EFNB3: variants seen among roughly 807,000 people sequenced by gnomAD.
EFNB3 encodes the protein ephrin-B3.
EFNB3 carries 14 observed loss-of-function variants against 29.8 expected under a neutral mutation model. The ratio of observed to expected loss-of-function variants is 0.47; its 90% CI spans 0.31 to 0.73. The LOEUF (loss-of-function observed/expected upper bound fraction) is 0.73, where lower values mean the gene tolerates loss of function less well. Ranked by LOEUF, EFNB3 falls within the 30% of genes least tolerant of loss-of-function variation. The pLI, the probability that EFNB3 is intolerant of heterozygous loss-of-function variation, is 0.05. For synonymous variants in EFNB3, 216 were observed against 191.6 expected (o/e 1.13, Z -1.05); for missense variants, 408 against 458.0 (o/e 0.89, Z 1.00).
chr17:7,705,507 G>C lies in EFNB3; in HGVS notation c.-92G>C. The C allele has an allele frequency of 1.6e-6, 1 of 625,598 alleles. No individual in the cohort carries two copies. The allele number at this position is 625,598 out of a possible 1,614,324, so 38.8% of individuals were successfully genotyped here. A position where few individuals can be genotyped will look rare whatever the true frequency, so the allele number is the denominator to read the frequency against. On this transcript the variant is annotated 5_prime_UTR_variant, in exon 1 of 5. Coordinates refer to ENST00000226091, the MANE Select transcript of EFNB3 (RefSeq NM_001406.4). The surrounding 1 kb of genome is among the most constrained non-coding windows in gnomAD (Gnocchi z 5.4). ...GGGGCATCAGCTACCGGGGTGGTCC[G>C]GGCTGAAGAGCCAGGCAGCCAAGGC...
chr17:7,705,813 G>A lies in EFNB3; in HGVS notation c.122+93G>A. The A allele has an allele frequency of 1.4e-6, 2 of 1,446,394 alleles. No individual in the cohort carries two copies. The highest frequency in any genetic ancestry group is 1.4e-5 in the South Asian group (1 of 73,228). The allele number at this position is 1,446,394 out of a possible 1,614,324, so 89.6% of individuals were successfully genotyped here. A position where few individuals can be genotyped will look rare whatever the true frequency, so the allele number is the denominator to read the frequency against. The stretch of plus-strand genomic sequence containing the variant: ...GAGGCGGGCTTCTGTGGGCAGGGAG[G>A]AGGCGGGAGGGAAGGTGCTGGTGCT... On this transcript the variant is annotated intron_variant, in intron 1 of 4. Transcript: ENST00000226091. This position sits in a 1 kb window ranked among gnomAD's most constrained non-coding sequence, Gnocchi z 5.4.
In EFNB3 at chr17:7,708,582, A is replaced by T. The variant is rs1280267792; in HGVS notation, c.509-53A>T. On this transcript the variant is annotated intron_variant, in intron 3 of 4. Coordinates refer to ENST00000226091, the MANE Select transcript of EFNB3 (RefSeq NM_001406.4). This position sits in a 1 kb window ranked among gnomAD's most constrained non-coding sequence, Gnocchi z 6.8. ...CACGAAGGGACGTTGGGGCAGTACGATCATGGTTGGGGCAGTTGTCTCAGC... is the reference window on the plus strand; with the variant it reads ...CACGAAGGGACGTTGGGGCAGTACGTTCATGGTTGGGGCAGTTGTCTCAGC... 1 of 1,595,734 alleles carries T rather than the reference A, an allele frequency of 6.3e-7. No homozygotes were observed. Among genetic ancestry groups the T allele is most frequent in the African/African-American group, 1.3e-5 (1 of 74,642 alleles).
Position 7,709,559 on chromosome 17 carries a change from A to T in EFNB3, c.1006A>T (p.Ile336Phe). ...TGGGCCCCCCCAGAGCCCTCCAAACATCTACTACAAGGTATGAGGGCTCCT... is the reference window on the plus strand; with the variant it reads ...TGGGCCCCCCCAGAGCCCTCCAAACTTCTACTACAAGGTATGAGGGCTCCT... ...QDGPPQSPPN[I>F]YYKV The change falls in exon 5 of 5, where the codon ATC becomes TTC. Residue 336 changes from isoleucine (I) to phenylalanine (F), a missense_variant. Physicochemically the swap from Ile to Phe is conservative, Grantham distance 21. Transcript: ENST00000226091. This position sits in a 1 kb window ranked among gnomAD's most constrained non-coding sequence, Gnocchi z 4.5. The T allele has an allele frequency of 6.2e-7, 1 of 1,613,828 alleles. No homozygotes were observed. The highest frequency in any genetic ancestry group is 8.5e-7 in the Non-Finnish European group (1 of 1,179,912).
In EFNB3 at chr17:7,709,201, T is replaced by C; in HGVS notation, c.648T>C (p.Ala216=). 1 of 1,604,018 alleles carries C rather than the reference T, an allele frequency of 6.2e-7. No homozygotes were observed. The change falls in exon 5 of 5, where the codon GCT becomes GCC. Residue 216 remains alanine, a synonymous_variant. Coordinates refer to ENST00000226091, the MANE Select transcript of EFNB3 (RefSeq NM_001406.4). This position sits in a 1 kb window ranked among gnomAD's most constrained non-coding sequence, Gnocchi z 4.5. The stretch of plus-strand genomic sequence containing the variant: ...CCAGCAATGCAACCTCCCGGGGTGC[T>C]GAAGGCCCCCTGCCCCCTCCCAGCA... The part of the protein sequence containing the change: ...DPTSNATSRG[A]EGPLPPPSMP...
At position 7,705,558 on chromosome 17, in the gene EFNB3, TG is replaced by T; in HGVS notation, c.-36del. On this transcript the variant is annotated 5_prime_UTR_variant, in exon 1 of 5. Transcript: ENST00000226091. The surrounding 1 kb of genome is among the most constrained non-coding windows in gnomAD (Gnocchi z 5.4). ...AGCCACCCCGGGGGGTGGGCGACTTTGGGGGAGTTGGTGCCCCGCCCCCCAG... is the reference window on the plus strand; with the variant it reads ...AGCCACCCCGGGGGGTGGGCGACTTTGGGGAGTTGGTGCCCCGCCCCCCAG... The T allele has an allele frequency of 1.6e-6, 2 of 1,230,490 alleles. No homozygotes were observed. Among genetic ancestry groups the T allele is most frequent in the East Asian group, 3.0e-5 (1 of 33,750 alleles). The allele number at this position is 1,230,490 out of a possible 1,614,324, so 76.2% of individuals were successfully genotyped here.
chr17:7,709,629 C>T lies in EFNB3; in HGVS notation c.*53C>T. 2 of 1,608,874 alleles carry T rather than the reference C, an allele frequency of 1.2e-6. No individual in the cohort carries two copies. Among genetic ancestry groups the T allele is most frequent in the Non-Finnish European group, 1.7e-6 (2 of 1,177,332 alleles). The stretch of plus-strand genomic sequence containing the variant: ...TCCAGCCCTTCTTGGGGTGCTCCTC[C>T]AGTTTAATTCCTGGTTTGAGGGACA... On this transcript the variant is annotated 3_prime_UTR_variant, in exon 5 of 5. Coordinates refer to ENST00000226091, the MANE Select transcript of EFNB3 (RefSeq NM_001406.4). The surrounding 1 kb of genome is among the most constrained non-coding windows in gnomAD (Gnocchi z 4.5).
rs1021897593 is a variant in EFNB3, at chr17:7,707,814, A to G, written c.123-144A>G. The stretch of plus-strand genomic sequence containing the variant: ...CAGAGTCCTTGGTGCCTGCTCTATA[A>G]GAAGAGACTTTCCACTCAGACAAAG... On this transcript the variant is annotated intron_variant, in intron 1 of 4. Transcript: ENST00000226091. 5.4e-5 allele frequency: 50 copies of G among 933,142 alleles called. No homozygotes were observed. In the Middle Eastern group the frequency reaches 1.0e-3, roughly 19 times the overall value. The allele number at this position is 933,142 out of a possible 1,614,324, so 57.8% of individuals were successfully genotyped here.
chr17:7,707,988 C>T lies in EFNB3; in HGVS notation c.153C>T (p.Tyr51=), dbSNP rs1398386640. The part of the protein sequence containing the change: ...RFQAEGGYVL[Y]PQIGDRLDLL... ...AGGCAGAGGGTGGTTATGTGCTGTA[C>T]CCTCAGATCGGGGACCGGCTAGACC... Residue 51 remains tyrosine, a synonymous_variant, in exon 2 of 5, where the codon TAC becomes TAT. Coordinates refer to ENST00000226091, the MANE Select transcript of EFNB3 (RefSeq NM_001406.4). 5 of 1,613,740 alleles carry T rather than the reference C, an allele frequency of 3.1e-6. No homozygotes were observed. The highest frequency in any genetic ancestry group is 4.2e-6 in the Non-Finnish European group (5 of 1,179,920).
At position 7,711,134 on chromosome 17, in the gene EFNB3, G is replaced by C. The variant is rs1364239240; in HGVS notation, c.*1558G>C. 6.6e-6 allele frequency: 1 copy of C among 152,614 alleles called. No homozygotes were observed. The highest frequency in any genetic ancestry group is 1.5e-5 in the Non-Finnish European group (1 of 68,040). 9.5% of individuals were successfully genotyped at this position (152,614 alleles called of 1,614,324 possible). A position where few individuals can be genotyped will look rare whatever the true frequency, so the allele number is the denominator to read the frequency against. On this transcript the variant is annotated 3_prime_UTR_variant, in exon 5 of 5. Transcript: ENST00000226091. The stretch of plus-strand genomic sequence containing the variant: ...AGATCAAAGCTGTTGTTGGGCACCA[G>C]GTTGGCCACCTCAATCACCAGCCAA...
Position 7,708,484 on chromosome 17 carries a change from G to A in EFNB3, c.465G>A (p.Val155=). Residue 155 remains valine (V), a synonymous_variant, in exon 3 of 5, where the codon GTG becomes GTA. Coordinates refer to ENST00000226091, the MANE Select transcript of EFNB3 (RefSeq NM_001406.4). The surrounding 1 kb of genome is among the most constrained non-coding windows in gnomAD (Gnocchi z 6.8). ...GCCTGGAGAGCCTGCAGGGAGGTGT[G>A]TGCCTAACCAGAGGCATGAAGGTGC... ...REGLESLQGG[V]CLTRGMKVLL... 6.2e-7 allele frequency: 1 copy of A among 1,614,006 alleles called. No individual in the cohort carries two copies.
chr17:7,708,580 C>A lies in EFNB3; in HGVS notation c.508+53C>A. On this transcript the variant is annotated intron_variant, in intron 3 of 4. Coordinates refer to ENST00000226091, the MANE Select transcript of EFNB3 (RefSeq NM_001406.4). This position sits in a 1 kb window ranked among gnomAD's most constrained non-coding sequence, Gnocchi z 6.8. ...GGCACGAAGGGACGTTGGGGCAGTA[C>A]GATCATGGTTGGGGCAGTTGTCTCA... 6.3e-7 allele frequency: 1 copy of A among 1,596,296 alleles called. No individual in the cohort carries two copies. The highest frequency in any genetic ancestry group is 1.1e-5 in the South Asian group (1 of 88,544).
At position 7,709,689 on chromosome 17, in the gene EFNB3, C is replaced by T; in HGVS notation, c.*113C>T. On this transcript the variant is annotated 3_prime_UTR_variant, in exon 5 of 5. Coordinates refer to ENST00000226091, the MANE Select transcript of EFNB3 (RefSeq NM_001406.4). This position sits in a 1 kb window ranked among gnomAD's most constrained non-coding sequence, Gnocchi z 4.5. ...TCTCGGCCCCCTGTGCCCCCCCAGC[C>T]CCTTCACTCCTCCCGGCTGCTGTCC... 8.5e-6 allele frequency: 9 copies of T among 1,058,312 alleles called. No individual in the cohort carries two copies. In the South Asian group the frequency reaches 1.2e-4, roughly 14 times the overall value. 65.6% of individuals were successfully genotyped at this position (1,058,312 alleles called of 1,614,324 possible).
rs367764633 is a variant in EFNB3 at position 7,709,469 on chromosome 17, C to T, written c.916C>T (p.Pro306Ser). Reference protein sequence around the residue: ...ALRGGGAADPPFCPHYEKVSG... With the variant: ...ALRGGGAADPSFCPHYEKVSG... ...GCGGGGTGGCGGGGCTGCAGATCCC[C>T]CCTTCTGCCCCCACTATGAGAAGGT... The change falls in exon 5 of 5, where the codon CCC becomes TCC. Residue 306 changes from proline (P) to serine (S), a missense_variant. By Grantham distance (74) the Pro-to-Ser change is moderately conservative (BLOSUM62 -1). Around this residue, in one of 3 missense-constraint regions of EFNB3, gnomAD observed 233 missense variants for 230.7 expected, o/e 1.01. Coordinates refer to ENST00000226091, the MANE Select transcript of EFNB3 (RefSeq NM_001406.4). The surrounding 1 kb of genome is among the most constrained non-coding windows in gnomAD (Gnocchi z 4.5). 2 of 1,613,648 alleles carry T rather than the reference C, an allele frequency of 1.2e-6. No homozygotes were observed. The highest frequency in any genetic ancestry group is 2.7e-5 in the African/African-American group (2 of 74,956).
Position 7,709,680 on chromosome 17 carries a change from C to A in EFNB3, c.*104C>A. On this transcript the variant is annotated 3_prime_UTR_variant, in exon 5 of 5. Coordinates refer to ENST00000226091, the MANE Select transcript of EFNB3 (RefSeq NM_001406.4). The surrounding 1 kb of genome is among the most constrained non-coding windows in gnomAD (Gnocchi z 4.5). Reference sequence around the variant, plus strand: ...CCTCTAACATCTCGGCCCCCTGTGCCCCCCCAGCCCCTTCACTCCTCCCGG... The same window carrying A: ...CCTCTAACATCTCGGCCCCCTGTGCACCCCCAGCCCCTTCACTCCTCCCGG... 1.7e-6 allele frequency: 2 copies of A among 1,198,094 alleles called. No individual in the cohort carries two copies. Among genetic ancestry groups the A allele is most frequent in the African/African-American group, 1.5e-5 (1 of 66,570 alleles). 74.2% of individuals were successfully genotyped at this position (1,198,094 alleles called of 1,614,324 possible).
chr17:7,709,537 G>A lies in EFNB3; in HGVS notation c.984G>A (p.Gly328=), dbSNP rs1472043859. The change falls in exon 5 of 5, where the codon GGG becomes GGA. Residue 328 remains glycine (G), a synonymous_variant. Coordinates refer to ENST00000226091, the MANE Select transcript of EFNB3 (RefSeq NM_001406.4). This position sits in a 1 kb window ranked among gnomAD's most constrained non-coding sequence, Gnocchi z 4.5. Reference sequence around the variant, plus strand: ...ATCCTGTGTATATCGTGCAGGATGGGCCCCCCCAGAGCCCTCCAAACATCT... The same window carrying A: ...ATCCTGTGTATATCGTGCAGGATGGACCCCCCCAGAGCCCTCCAAACATCT... ...YGHPVYIVQD[G]PPQSPPNIYY... 4.3e-6 allele frequency: 7 copies of A among 1,613,574 alleles called. No individual in the cohort carries two copies. The African/African-American group carries it at 8.0e-5, about 18-fold the overall frequency.
rs1057023601 is a variant in EFNB3, at chr17:7,711,026, C to A, written c.*1450C>A. ...TGGTACTTAGCAAAGGCCACTGTTT[C>A]CATAGTGACCAGCTGATACCTCTTC... is the stretch of plus-strand genomic sequence containing the variant. On this transcript the variant is annotated 3_prime_UTR_variant, in exon 5 of 5. Coordinates refer to ENST00000226091, the MANE Select transcript of EFNB3 (RefSeq NM_001406.4). The A allele has an allele frequency of 1.3e-5, 2 of 152,638 alleles. No homozygotes were observed. Among genetic ancestry groups the A allele is most frequent in the Non-Finnish European group, 2.9e-5 (2 of 68,046 alleles). The allele number at this position is 152,638 out of a possible 1,614,324, so 9.5% of individuals were successfully genotyped here.
At position 7,705,658 on chromosome 17, in the gene EFNB3, G is replaced by A. The variant is rs746744740; in HGVS notation, c.60G>A (p.Gly20=). ...GAGTCGGGGCCCTGCTGCTGCTGGGGGTTTTGGGGCTGGTGTCTGGGCTCA... is the reference window on the plus strand; with the variant it reads ...GAGTCGGGGCCCTGCTGCTGCTGGGAGTTTTGGGGCTGGTGTCTGGGCTCA... The part of the protein sequence containing the change: ...GVRVGALLLL[G]VLGLVSGLSL... Residue 20 remains glycine, a synonymous_variant, in exon 1 of 5, where the codon GGG becomes GGA. Coordinates refer to ENST00000226091, the MANE Select transcript of EFNB3 (RefSeq NM_001406.4). This position sits in a 1 kb window ranked among gnomAD's most constrained non-coding sequence, Gnocchi z 5.4. 2 of 1,526,756 alleles carry A rather than the reference G, an allele frequency of 1.3e-6. No homozygotes were observed. The highest frequency in any genetic ancestry group is 2.5e-5 in the South Asian group (2 of 78,696). 94.6% of individuals were successfully genotyped at this position (1,526,756 alleles called of 1,614,324 possible). A position where few individuals can be genotyped will look rare whatever the true frequency, so the allele number is the denominator to read the frequency against.
In EFNB3 at chr17:7,708,926, T is replaced by G. The variant is rs2074338094; in HGVS notation, c.613+187T>G. On this transcript the variant is annotated intron_variant, in intron 4 of 4. Transcript: ENST00000226091. The surrounding 1 kb of genome is among the most constrained non-coding windows in gnomAD (Gnocchi z 6.8). ...AGGAAAAGACTCAATTAGAACTAAT[T>G]AGCCAAGTCAGTGCTTCAATCAGTG... Among the ~76,000 whole-genome samples, 1 of 152,146 alleles carries G rather than the reference T, an allele frequency of 6.6e-6. No individual in the cohort carries two copies. The highest frequency in any genetic ancestry group is 1.5e-5 in the Non-Finnish European group (1 of 68,010).
chr17:7,708,971 GA>G lies in EFNB3; in HGVS notation c.614-195del, dbSNP rs1396483377. On this transcript the variant is annotated intron_variant, in intron 4 of 4. Coordinates refer to ENST00000226091, the MANE Select transcript of EFNB3 (RefSeq NM_001406.4). The surrounding 1 kb of genome is among the most constrained non-coding windows in gnomAD (Gnocchi z 6.8). ...TCAGTGCTGTCAGAGAAGTGGGGAG[GA>G]CTCCGTGGCAGGAAGCTGAAGGGCT... 6.6e-6 allele frequency among the ~76,000 whole-genome samples: 1 copy of G among 152,232 alleles called. No individual in the cohort carries two copies. Among genetic ancestry groups the G allele is most frequent in the Non-Finnish European group, 1.5e-5 (1 of 68,040 alleles).
Sources: gnomAD v4.1 joint callset for allele counts (sites outside exome capture counted in the v4.1 genomes callset) on GRCh38, gnomAD v4.1.1 for gene constraint, gnomAD v4.1.1 regional missense constraint, Gnocchi (gnomAD v3.1) non-coding constraint, MANE v1.5 for transcripts, NCBI Gene and HGNC (gene_info 2026-07-23, HGNC 2026-07-21) for gene names.